The following FADS1 variants were observed in gnomAD, a reference collection of about 807,000 sequenced individuals.
FADS1 encodes fatty acid desaturase 1, also known as acyl-CoA (8-3)-desaturase.
In FADS1, 17 loss-of-function variants were observed where a neutral mutation model predicts 61.6. The ratio of observed to expected loss-of-function variants is 0.28; its 90% CI spans 0.19 to 0.41. FADS1 has a LOEUF of 0.41. FADS1 is among the 10% of genes least tolerant of loss of function. The probability of loss-of-function intolerance (pLI) is 1.00; values close to 1 mark genes in which losing one functional copy is unlikely to be tolerated. For synonymous variants in FADS1, 238 were observed against 258.7 expected (o/e 0.92, Z 0.77); for missense variants, 387 against 650.9 (o/e 0.59, Z 4.41).
rs2066981355 is a variant in FADS1 at position 61,816,234 on chromosome 11, G to C, written c.375+321C>G. The C allele has an allele frequency of 1.3e-6, 2 of 1,594,644 alleles. No individual in the cohort carries two copies. The highest frequency in any genetic ancestry group is 1.7e-6 in the Non-Finnish European group (2 of 1,177,542). On this transcript the variant is annotated intron_variant, in intron 1 of 11. Transcript: ENST00000350997. This position sits in a 1 kb window ranked among gnomAD's most constrained non-coding sequence, Gnocchi z 7.0. ...GCTCTCCTCCCTCCTAGCCTACCCA[G>C]CTCGGGGTTCTGTCCCCGCCCAGAG... is the stretch of plus-strand genomic sequence containing the variant.
rs1333770322 is a variant in FADS1 at position 61,816,835 on chromosome 11, T to C, written c.95A>G (p.His32Arg). ...RLALGARQQI[H>R]SWSPRTPSTR... is the part of the protein sequence containing the mutation. ...GCTCGGGGTCCGCGGGCTCCAGGAG[T>C]GGATTTGCTGGCGCGCGCCCAGAGC... The change falls in exon 1 of 12, where the codon CAC (histidine) becomes CGC (arginine). Residue 32 changes from histidine (H) to arginine (R), a missense_variant. Physicochemically the swap from His to Arg is conservative, Grantham distance 29. Coordinates refer to ENST00000350997, the MANE Select transcript of FADS1 (RefSeq NM_013402.7). This position sits in a 1 kb window ranked among gnomAD's most constrained non-coding sequence, Gnocchi z 7.0. The C allele has an allele frequency of 6.7e-7, 1 of 1,487,542 alleles. No individual in the cohort carries two copies. The allele number at this position is 1,487,542 out of a possible 1,614,324, so 92.1% of individuals were successfully genotyped here.
intron 1 of FADS1, 84 bp from the exon 2 acceptor site, chr11:61,813,437 C>T: frequency 1.3e-6 from 1 of 779,022 alleles, no homozygotes; most frequent in East Asian, 2.5e-5. Flanking sequence ...CATCCTCCTG[C>T]CCGCCAGAAG....
In FADS1 at chr11:61,815,288, C is replaced by G. The variant is rs529542017; in HGVS notation, c.375+1267G>C. The G allele has an allele frequency of 6.1e-6, 1 of 164,824 alleles. No homozygotes were observed. The highest frequency in any genetic ancestry group is 2.0e-4 in the South Asian group (1 of 4,900). 10.2% of individuals were successfully genotyped at this position (164,824 alleles called of 1,614,324 possible). On this transcript the variant is annotated intron_variant, in intron 1 of 11. Coordinates refer to ENST00000350997, the MANE Select transcript of FADS1 (RefSeq NM_013402.7). The surrounding 1 kb of genome is among the most constrained non-coding windows in gnomAD (Gnocchi z 6.4). Reference sequence around the variant, plus strand: ...GCTCCAGCGTTGGTGCCTGTTTCGTCTGCGCATGCGCCGGGACACGCCTGC... The same window carrying G: ...GCTCCAGCGTTGGTGCCTGTTTCGTGTGCGCATGCGCCGGGACACGCCTGC...
rs1419283244 is a variant in FADS1 at position 61,802,422 on chromosome 11, G to C, written c.1495C>G (p.Leu499Val). 3 of 1,568,698 alleles carry C rather than the reference G, an allele frequency of 1.9e-6. No homozygotes were observed. The highest frequency in any genetic ancestry group is 2.3e-5 in the South Asian group (2 of 85,352). ...CAGGGTGGCTGTTGTTATTGGTGAA[G>C]ATAGGCATCTAGCCAGAGCTGCCCT... ...ESGQLWLDAY[L>V]HQ Residue 499 changes from leucine to valine, a missense_variant, in exon 12 of 12, where the codon CTT becomes GTT. Coordinates refer to ENST00000350997, the MANE Select transcript of FADS1 (RefSeq NM_013402.7). This position sits in a 1 kb window ranked among gnomAD's most constrained non-coding sequence, Gnocchi z 4.2.
rs1591156902 is a variant in FADS1, at chr11:61,815,999, T to G, written c.375+556A>C. On this transcript the variant is annotated intron_variant, in intron 1 of 11. Transcript: ENST00000350997. The surrounding 1 kb of genome is among the most constrained non-coding windows in gnomAD (Gnocchi z 6.4). ...CTCCAGTCTTCACACGACGCAGGGG[T>G]CCCCAAGGCAGCGGTCTCCCCAAGC... The G allele has an allele frequency of 2.0e-6, 1 of 501,020 alleles. No homozygotes were observed. Among genetic ancestry groups the G allele is most frequent in the Non-Finnish European group, 3.6e-6 (1 of 278,076 alleles). 31.0% of individuals were successfully genotyped at this position (501,020 alleles called of 1,614,324 possible).
In FADS1 at chr11:61,816,393, C is replaced by G; in HGVS notation, c.375+162G>C. ...AGGCCTCTCTCCCGCCTTTTCATCC[C>G]GCATCCGCAGGACACCCAATCACCG... is the stretch of plus-strand genomic sequence containing the variant. On this transcript the variant is annotated intron_variant, in intron 1 of 11. Coordinates refer to ENST00000350997, the MANE Select transcript of FADS1 (RefSeq NM_013402.7). This position sits in a 1 kb window ranked among gnomAD's most constrained non-coding sequence, Gnocchi z 7.0. 6.3e-7 allele frequency: 1 copy of G among 1,598,542 alleles called. No homozygotes were observed. The highest frequency in any genetic ancestry group is 8.5e-7 in the Non-Finnish European group (1 of 1,179,810).
At position 61,816,282 on chromosome 11, in the gene FADS1, T is replaced by G; in HGVS notation, c.375+273A>C. 1 of 1,598,350 alleles carries G rather than the reference T, an allele frequency of 6.3e-7. No homozygotes were observed. Among genetic ancestry groups the G allele is most frequent in the Non-Finnish European group, 8.5e-7 (1 of 1,179,780 alleles). On this transcript the variant is annotated intron_variant, in intron 1 of 11. Coordinates refer to ENST00000350997, the MANE Select transcript of FADS1 (RefSeq NM_013402.7). This position sits in a 1 kb window ranked among gnomAD's most constrained non-coding sequence, Gnocchi z 7.0. Reference sequence around the variant, plus strand: ...GAGACCTGAGGCTCGGGGCTGCAGATGGAATGCACGGCAGGGAGGCGGGAC... The same window carrying G: ...GAGACCTGAGGCTCGGGGCTGCAGAGGGAATGCACGGCAGGGAGGCGGGAC...
chr11:61,802,309 CCT>C lies in FADS1; in HGVS notation c.*100_*101del. ...GGCTTTATGTCCCCAAACCCAACCCCCTCTGAGTATTAAACTATAGTGGCATT... is the reference window on the plus strand; with the variant it reads ...GGCTTTATGTCCCCAAACCCAACCCCCTGAGTATTAAACTATAGTGGCATT... On this transcript the variant is annotated 3_prime_UTR_variant, in exon 12 of 12. Coordinates refer to ENST00000350997, the MANE Select transcript of FADS1 (RefSeq NM_013402.7). This position sits in a 1 kb window ranked among gnomAD's most constrained non-coding sequence, Gnocchi z 4.2. 6 of 1,059,372 alleles carry C rather than the reference CCT, an allele frequency of 5.7e-6. No homozygotes were observed. Among genetic ancestry groups the C allele is most frequent in the Non-Finnish European group, 7.1e-6 (5 of 702,550 alleles). The allele number at this position is 1,059,372 out of a possible 1,614,324, so 65.6% of individuals were successfully genotyped here. A position where few individuals can be genotyped will look rare whatever the true frequency, so the allele number is the denominator to read the frequency against.
intron 6 of FADS1, chr11:61,806,348 C>CA (rs59417762): frequency 0.076 from 11,873 of 156,316 alleles, 21 homozygotes; most frequent in South Asian, 0.1. Flanking sequence ...GACTCCGTCT[C>CA]AAAAAAAAAA....
intron 5 of FADS1, among the ~76,000 whole-genome samples, chr11:61,809,272 C>T (rs1038729888): frequency 6.6e-6 from 1 of 152,154 alleles, no homozygotes; most frequent in Non-Finnish European, 1.5e-5. Context: ...CAGTTTCTGT[C>T]ATATTTTACT....
chr11:61,802,696 C>G lies in FADS1; in HGVS notation c.1454+105G>C. 4 of 1,522,160 alleles carry G rather than the reference C, an allele frequency of 2.6e-6. No homozygotes were observed. Among genetic ancestry groups the G allele is most frequent in the Admixed American group, 3.4e-5 (2 of 58,680 alleles). 94.3% of individuals were successfully genotyped at this position (1,522,160 alleles called of 1,614,324 possible). The stretch of plus-strand genomic sequence containing the variant: ...TTGCCATGGTGAACTCCATCCCACA[C>G]GACTGGGAACACCTTCTGTTCACTC... On this transcript the variant is annotated intron_variant, in intron 11 of 11. Transcript: ENST00000350997. The surrounding 1 kb of genome is among the most constrained non-coding windows in gnomAD (Gnocchi z 4.2).
intron 5 of FADS1, among the ~76,000 whole-genome samples, chr11:61,807,837 G>T (rs1250427387): frequency 6.6e-6 from 1 of 152,194 alleles, no homozygotes. Context: ...ACCCTTCCAT[G>T]TGTCCACAGT....
At chr11:61,813,449 C>G in intron 1 of FADS1, 96 bp from the exon 2 acceptor site, 1 of 732,552 alleles carries the variant, frequency 1.4e-6, no homozygotes, top group South Asian at 1.7e-5. Context: ...CGCCAGAAGG[C>G]TGTACCCAAG....
At chr11:61,811,365 C>T (rs753128878) in intron 3 of FADS1, among the ~76,000 whole-genome samples, 4 of 152,004 alleles carry the variant, frequency 2.6e-5, no homozygotes, top group African/African-American at 2.4e-5. Flanking sequence ...TGCAATGGTG[C>T]GGTTTCAGAT....
chr11:61,803,840 G>A lies in FADS1; in HGVS notation c.1054-73C>T. The A allele has an allele frequency of 8.9e-7, 1 of 1,120,082 alleles. No homozygotes were observed. The highest frequency in any genetic ancestry group is 1.4e-6 in the Non-Finnish European group (1 of 738,344). 69.4% of individuals were successfully genotyped at this position (1,120,082 alleles called of 1,614,324 possible). The stretch of plus-strand genomic sequence containing the variant: ...TCTTCCTCTCAGCAGCTCTTTGTTT[G>A]CATGGTGCAGCCATTCTCCTGGTTA... On this transcript the variant is annotated intron_variant, in intron 7 of 11. Coordinates refer to ENST00000350997, the MANE Select transcript of FADS1 (RefSeq NM_013402.7). This position sits in a 1 kb window ranked among gnomAD's most constrained non-coding sequence, Gnocchi z 4.3.
Position 61,804,458 on chromosome 11 carries a change from A to AT in FADS1, c.1053+226_1053+227insA, listed in dbSNP as rs2066880072. ...CCCCTGGCATTATGCCCAGTACAAG[A>AT]ACCTCTGGAGACACTGACCGCATGA... is the stretch of plus-strand genomic sequence containing the variant. On this transcript the variant is annotated intron_variant, in intron 7 of 11. Coordinates refer to ENST00000350997, the MANE Select transcript of FADS1 (RefSeq NM_013402.7). 3.5e-5 allele frequency: 18 copies of AT among 510,502 alleles called. No individual in the cohort carries two copies. In the East Asian group the frequency reaches 5.6e-4, roughly 16 times the overall value. The allele number at this position is 510,502 out of a possible 1,614,324, so 31.6% of individuals were successfully genotyped here. A position where few individuals can be genotyped will look rare whatever the true frequency, so the allele number is the denominator to read the frequency against.
chr11:61,807,994 C>T (rs1438680639), intron 5 of FADS1, among the ~76,000 whole-genome samples: 1 of 152,218 alleles, frequency 6.6e-6, no homozygotes, highest in East Asian at 1.9e-4. Context: ...ATACAGACTT[C>T]CCACCCTCAT....
rs1048032419 is a variant in FADS1, at chr11:61,816,025, T to C, written c.375+530A>G. On this transcript the variant is annotated intron_variant, in intron 1 of 11. Transcript: ENST00000350997. The surrounding 1 kb of genome is among the most constrained non-coding windows in gnomAD (Gnocchi z 7.0). The stretch of plus-strand genomic sequence containing the variant: ...CCCCAAGGCAGCGGTCTCCCCAAGC[T>C]TCCCGTTTCAGCCCCATCCTCGAGA... 1.8e-5 allele frequency: 10 copies of C among 552,682 alleles called. No individual in the cohort carries two copies. Among genetic ancestry groups the C allele is most frequent in the African/African-American group, 1.5e-4 (8 of 52,824 alleles). The allele number at this position is 552,682 out of a possible 1,614,324, so 34.2% of individuals were successfully genotyped here.
Position 61,815,221 on chromosome 11 carries a change from TC to T in FADS1, c.375+1333del, listed in dbSNP as rs750758515. ...CACCACACATACGGACCAATCGCCG[TC>T]CCCGCCGCGGCATTCCCGGCCCCAA... On this transcript the variant is annotated intron_variant, in intron 1 of 11. Coordinates refer to ENST00000350997, the MANE Select transcript of FADS1 (RefSeq NM_013402.7). This position sits in a 1 kb window ranked among gnomAD's most constrained non-coding sequence, Gnocchi z 6.4. The T allele has an allele frequency of 2.4e-5, 4 of 165,726 alleles. No homozygotes were observed. The highest frequency in any genetic ancestry group is 4.4e-5 in the Non-Finnish European group (3 of 68,274). 10.3% of individuals were successfully genotyped at this position (165,726 alleles called of 1,614,324 possible).
Sources: allele counts gnomAD v4.1 joint callset (sites outside exome capture counted in the v4.1 genomes callset), GRCh38; gene constraint gnomAD v4.1.1; non-coding constraint Gnocchi (gnomAD v3.1); transcripts MANE v1.5; gene names NCBI Gene and HGNC (gene_info 2026-07-23, HGNC 2026-07-21).